The following RALYL variants were observed in gnomAD, a reference collection of about 807,000 sequenced individuals.
RALYL encodes RNA-binding Raly-like protein.
In RALYL, 29 loss-of-function variants were observed where a neutral mutation model predicts 35.1. The ratio of observed to expected loss-of-function variants is 0.83; its 90% confidence interval spans 0.61 to 1.13. The LOEUF is 1.13. RALYL is among the 50% of genes most tolerant of loss of function. The probability of loss-of-function intolerance (pLI) is 0.00; values close to 1 mark genes in which losing one functional copy is unlikely to be tolerated. For missense variants in RALYL, 359 were observed against 360.4 expected (o/e 1.00, Z 0.03); for synonymous variants, 120 against 127.6 (o/e 0.94, Z 0.40).
chr8:84,715,181 GT>G lies in RALYL; in HGVS notation c.257-59397del, dbSNP rs559987632. Among the ~76,000 whole-genome samples the G allele has an allele frequency of 1.4e-3, 209 of 151,834 alleles. 2 individuals are homozygous for G. The highest frequency in any genetic ancestry group is 4.8e-3 in the African/African-American group (200 of 41,496). On this transcript the variant is annotated intron_variant, in intron 2 of 8. Coordinates refer to ENST00000521268, the MANE Select transcript of RALYL (RefSeq NM_173848.7). ...AATTGAGTAGTTCTAAATGAATTGG[GT>G]AATGATAATAAAATTGACAAATATA...
chr8:84,796,956 G>T (rs1822074377), intron 3 of RALYL, among the ~76,000 whole-genome samples: 1 of 152,140 alleles, frequency 6.6e-6, no homozygotes, highest in Non-Finnish European at 1.5e-5. Flanking sequence ...AGACTTTGGA[G>T]TTAGACCTGT....
intron 4 of RALYL, among the ~76,000 whole-genome samples, chr8:84,835,125 G>A (rs952571777): frequency 3.3e-5 from 5 of 152,138 alleles, no homozygotes; most frequent in African/African-American, 1.2e-4. Flanking sequence ...TGATAAATTA[G>A]ATTAAGTTCA....
chr8:84,873,242 A>C, intron 6 of RALYL, 42 bp from the exon 7 acceptor site: 1 of 1,150,540 alleles, frequency 8.7e-7, no homozygotes, highest in South Asian at 1.4e-5. Flanking sequence ...GTTATGGTGC[A>C]TTTGATGCTC....
chr8:84,819,066 CTA>C (rs751109518), intron 4 of RALYL, among the ~76,000 whole-genome samples: 5 of 152,110 alleles, frequency 3.3e-5, no homozygotes, highest in Non-Finnish European at 4.4e-5. Context: ...TCAATTTTCT[CTA>C]TGTCTGCAGG....
At chr8:84,852,864 G>C (rs767317777) in intron 5 of RALYL, among the ~76,000 whole-genome samples, 2 of 152,098 alleles carry the variant, frequency 1.3e-5, no homozygotes, top group African/African-American at 2.4e-5. Context: ...GAGGAAGGAC[G>C]TGCCTGCCCT....
At chr8:84,388,663 C>A (rs984123239) in intron 1 of RALYL, among the ~76,000 whole-genome samples, 1 of 151,914 alleles carries the variant, frequency 6.6e-6, no homozygotes, top group Non-Finnish European at 1.5e-5. Flanking sequence ...CTGTTCATGT[C>A]CTTCGCCCAC....
At position 84,399,704 on chromosome 8, in the gene RALYL, A is replaced by C. The variant is rs151005409; in HGVS notation, c.-23-129595A>C. On this transcript the variant is annotated intron_variant, in intron 1 of 8. Transcript: ENST00000521268. ...CATGCAGAGAACAGAATTACATTGTAATTACATTGTAATCACAATGTCTTA... is the reference window on the plus strand; with the variant it reads ...CATGCAGAGAACAGAATTACATTGTCATTACATTGTAATCACAATGTCTTA... Among the ~76,000 whole-genome samples the C allele has an allele frequency of 3.6e-3, 545 of 152,324 alleles. 1 individual carries two copies. The highest frequency in any genetic ancestry group is 5.4e-3 in the Non-Finnish European group (366 of 68,032).
intron 7 of RALYL, among the ~76,000 whole-genome samples, chr8:84,878,851 A>C (rs1841682726): frequency 6.6e-6 from 1 of 152,170 alleles, no homozygotes; most frequent in Admixed American, 6.5e-5. Context: ...TGAATATCTG[A>C]ATAAGCTTTA....
At chr8:84,275,121 C>T (rs916484738) in intron 1 of RALYL, among the ~76,000 whole-genome samples, 2 of 152,056 alleles carry the variant, frequency 1.3e-5, no homozygotes, top group Non-Finnish European at 2.9e-5. Flanking sequence ...ATATATTTTC[C>T]TTATTTTTTA....
At chr8:84,732,938 T>C (rs1366230258) in intron 2 of RALYL, among the ~76,000 whole-genome samples, 1 of 151,736 alleles carries the variant, frequency 6.6e-6, no homozygotes, top group African/African-American at 2.4e-5. Flanking sequence ...CTCCAGTGAC[T>C]ACCCACCTCA....
At chr8:84,208,246 A>G (rs1181221746) in intron 1 of RALYL, among the ~76,000 whole-genome samples, 1 of 152,218 alleles carries the variant, frequency 6.6e-6, no homozygotes, top group African/African-American at 2.4e-5. Flanking sequence ...GTTAGCACAG[A>G]AACAAAAATT....
At chr8:84,647,439 A>G (rs904204651) in intron 2 of RALYL, among the ~76,000 whole-genome samples, 6 of 152,072 alleles carry the variant, frequency 3.9e-5, no homozygotes, top group Non-Finnish European at 7.4e-5. Context: ...ATGCCTGAAG[A>G]TAGAAATTGG....
chr8:84,442,951 C>T (rs1404148006), intron 1 of RALYL, among the ~76,000 whole-genome samples: 1 of 152,070 alleles, frequency 6.6e-6, no homozygotes. Context: ...TTCTACTCCT[C>T]AATTTTCTAT....
At chr8:84,372,886 G>GTTTTTTTGTTTTTTTTTTT (rs1856062222) in intron 1 of RALYL, among the ~76,000 whole-genome samples, 2 of 39,064 alleles carry the variant, frequency 5.1e-5, no homozygotes, top group Non-Finnish European at 9.1e-5. Flanking sequence ...GCCAGCATCT[G>GTTTTTTTGTTTTTTTTTTT]TTTTTTTTTT....
At chr8:84,211,596 A>G (rs989827904) in intron 1 of RALYL, among the ~76,000 whole-genome samples, 1 of 152,132 alleles carries the variant, frequency 6.6e-6, no homozygotes, top group African/African-American at 2.4e-5. Flanking sequence ...TCTCTGTTCT[A>G]TGTTTGAAAA....
rs1224690104 is a variant in RALYL at position 84,670,601 on chromosome 8, A to G, written c.257-103978A>G. ...TCACAATCATGGTGGAAGGTGAAGG[A>G]GGAGCAAAGCTATGTTTTACATGGC... On this transcript the variant is annotated intron_variant, in intron 2 of 8. Transcript: ENST00000521268. 4.6e-5 allele frequency among the ~76,000 whole-genome samples: 7 copies of G among 152,210 alleles called. 1 individual carries two copies. Among genetic ancestry groups the G allele is most frequent in the Non-Finnish European group, 1.0e-4 (7 of 68,046 alleles).
intron 2 of RALYL, among the ~76,000 whole-genome samples, chr8:84,752,400 A>G (rs1308963857): frequency 6.6e-6 from 1 of 152,220 alleles, no homozygotes; most frequent in Non-Finnish European, 1.5e-5. Context: ...AGAGCATAAA[A>G]TTTGAAAAAT....
chr8:84,763,318 C>T (rs993441685), intron 2 of RALYL, among the ~76,000 whole-genome samples: 5 of 152,086 alleles, frequency 3.3e-5, no homozygotes, highest in South Asian at 2.1e-4. Context: ...CTGATGATCC[C>T]GACTTTCTGT....
At chr8:84,913,040 G>GTAGGTAGATAGA (rs372305617) in intron 8 of RALYL, among the ~76,000 whole-genome samples, 3,503 of 129,918 alleles carry the variant, frequency 0.027, 73 homozygotes, top group African/African-American at 0.038. Context: ...GGATAGGTAG[G>GTAGGTAGATAGA]TAGATAGATA....
Sources: gnomAD v4.1 joint callset for allele counts (sites outside exome capture counted in the v4.1 genomes callset) on GRCh38, gnomAD v4.1.1 for gene constraint, MANE v1.5 for transcripts, NCBI Gene and HGNC (gene_info 2026-07-23, HGNC 2026-07-21) for gene names.